Variants in CA6 observed in about 807,000 individuals in gnomAD.
The protein encoded by CA6 is carbonic anhydrase 6.
In CA6, 28 loss-of-function variants were observed where a neutral mutation model predicts 35.9. The observed-to-expected ratio is 0.78, with a 90% CI of 0.58 to 1.07. The LOEUF (loss-of-function observed/expected upper bound fraction) is 1.07. Among genes scored for constraint, CA6 ranks in the 50% least tolerant of loss-of-function variants. The pLI, the probability that CA6 is intolerant of heterozygous loss-of-function variation, is 0.00. For synonymous variants in CA6, 148 were observed against 152.6 expected, an observed-to-expected ratio of 0.97 and a Z score of 0.22; for missense variants, 377 against 382.0, an observed-to-expected ratio of 0.99 and a Z score of 0.11.
At chr1:8,961,016 G>A (rs1479839533) in intron 4 of CA6, among the ~76,000 whole-genome samples, 1 of 152,068 alleles carries the variant, frequency 6.6e-6, no homozygotes, top group Non-Finnish European at 1.5e-5. Context: ...TTATATGTAG[G>A]GGAATGACAG....
intron 2 of CA6, chr1:8,951,527 T>G (rs3765968): frequency 0.63 from 481,923 of 764,556 alleles, 153,477 homozygotes; most frequent in East Asian, 0.74. Flanking sequence ...CCTGGACAGC[T>G]GGTGGGAAGC....
intron 7 of CA6, among the ~76,000 whole-genome samples, chr1:8,972,500 G>A (rs914057054): frequency 6.6e-6 from 1 of 152,030 alleles, no homozygotes; most frequent in Admixed American, 6.6e-5. Flanking sequence ...GTGAAACCCC[G>A]CCTCTACTAA....
Position 8,946,045 on chromosome 1 carries a change from T to C in CA6, c.79+80T>C, listed in dbSNP as rs141371476. 5.2e-3 allele frequency: 4,313 copies of C among 837,024 alleles called. 90 individuals are homozygous for C. The African/African-American group carries it at 0.06, about 12-fold the overall frequency. The allele number at this position is 837,024 out of a possible 1,614,324, so 51.8% of individuals were successfully genotyped here. A position where few individuals can be genotyped will look rare whatever the true frequency, so the allele number is the denominator to read the frequency against. ...GACAAGTGCCCTTCTTCTTCTTCTT[T>C]TTTTTTTTTTTAGACAAAGTCTTGC... On this transcript the variant is annotated intron_variant, in intron 1 of 7. Transcript: ENST00000377443.
At chr1:8,961,417 G>A (rs183325752) in intron 4 of CA6, among the ~76,000 whole-genome samples, 2 of 152,194 alleles carry the variant, frequency 1.3e-5, no homozygotes, top group East Asian at 3.9e-4. Flanking sequence ...GACAAAAATA[G>A]AAGGATGAGG....
chr1:8,951,650 T>C (rs1639539439), intron 2 of CA6: 1 of 765,144 alleles, frequency 1.3e-6, no homozygotes, highest in East Asian at 2.4e-5. Context: ...CCAAGGGGCT[T>C]GCAGCGGCTC....
chr1:8,964,227 C>T (rs1415398494), intron 5 of CA6, among the ~76,000 whole-genome samples: 1 of 152,128 alleles, frequency 6.6e-6, no homozygotes, highest in Non-Finnish European at 1.5e-5. Flanking sequence ...TGGTCTTCTG[C>T]ATCGTTGATT....
intron 5 of CA6, among the ~76,000 whole-genome samples, chr1:8,966,387 G>C (rs1424926010): frequency 6.6e-6 from 1 of 152,114 alleles, no homozygotes; most frequent in East Asian, 1.9e-4. Flanking sequence ...TGGGATTACA[G>C]GTGTGAGCCA....
intron 5 of CA6, among the ~76,000 whole-genome samples, chr1:8,965,774 C>A (rs781433228): frequency 3.3e-5 from 5 of 151,582 alleles, no homozygotes; most frequent in Non-Finnish European, 5.9e-5. Context: ...GTATTCCCAG[C>A]TACTCAGGAG....
intron 4 of CA6, among the ~76,000 whole-genome samples, chr1:8,960,360 T>C (rs956417172): frequency 2.4e-4 from 37 of 151,056 alleles, no homozygotes; most frequent in African/African-American, 8.3e-4. Context: ...CAGACAGGAC[T>C]TTAAAACAAC....
At chr1:8,957,325 C>A (rs375639738) in intron 3 of CA6, 40 bp downstream of exon 3, 110 of 1,546,976 alleles carry the variant, frequency 7.1e-5, no homozygotes, top group Non-Finnish European at 8.7e-5. Flanking sequence ...TCCTTTGAAC[C>A]CCATAGTCAC....
chr1:8,953,480 A>G (rs937241275), intron 2 of CA6, among the ~76,000 whole-genome samples: 10 of 152,170 alleles, frequency 6.6e-5, no homozygotes, highest in African/African-American at 2.4e-4. Flanking sequence ...TTAGCCTGGC[A>G]TGGTGGCTCA....
rs762564967 is a variant in CA6, at chr1:8,974,367, C to G, written c.845-255C>G. ...CTCAGGCAAGGGCCACGGGGGGCAT[C>G]GTGGGAGAAGCCAAAATCCAAGAGT... On this transcript the variant is annotated intron_variant, in intron 7 of 7. Coordinates refer to ENST00000377443, the MANE Select transcript of CA6 (RefSeq NM_001215.4). 5.9e-6 allele frequency: 9 copies of G among 1,531,074 alleles called. No homozygotes were observed. The South Asian group carries it at 9.8e-5, about 17-fold the overall frequency. The allele number at this position is 1,531,074 out of a possible 1,614,324, so 94.8% of individuals were successfully genotyped here. A position where few individuals can be genotyped will look rare whatever the true frequency, so the allele number is the denominator to read the frequency against.
At chr1:8,966,501 A>C (rs1304670423) in intron 5 of CA6, among the ~76,000 whole-genome samples, 1 of 152,160 alleles carries the variant, frequency 6.6e-6, no homozygotes, top group African/African-American at 2.4e-5. Flanking sequence ...AATATATTAG[A>C]GTTACAAAAA....
Position 8,967,661 on chromosome 1 carries a change from C to G in CA6, c.574C>G (p.Gln192Glu). The change falls in exon 6 of 8, where the codon CAA (glutamine) becomes GAA (glutamate). Residue 192 changes from glutamine (Q) to glutamate (E), a missense_variant and splice_region_variant. Physicochemically the swap from Gln to Glu is conservative, Grantham distance 29. Coordinates refer to ENST00000377443, the MANE Select transcript of CA6 (RefSeq NM_001215.4). ...SHLANIKYPG[Q>E]RTTLTGLDVQ... is the part of the protein sequence containing the mutation. ...TTACCTTCTGTCTTCTTGGTCAGGA[C>G]AAAGAACAACCCTGACTGGCCTTGA... 1.9e-6 allele frequency: 3 copies of G among 1,613,616 alleles called. No individual in the cohort carries two copies. The highest frequency in any genetic ancestry group is 1.7e-4 in the Middle Eastern group (1 of 6,056).
rs1015488156 is a variant in CA6 at position 8,974,820 on chromosome 1, C to T, written c.*116C>T. The T allele has an allele frequency of 8.5e-6, 5 of 587,358 alleles. No homozygotes were observed. The highest frequency in any genetic ancestry group is 2.4e-5 in the South Asian group (1 of 41,926). The allele number at this position is 587,358 out of a possible 1,614,324, so 36.4% of individuals were successfully genotyped here. ...TAAGAAACCATGTGTGTCTGGAACA[C>T]GCTGCTCCCCCTGGGGCAGCTGTTG... On this transcript the variant is annotated 3_prime_UTR_variant, in exon 8 of 8. Coordinates refer to ENST00000377443, the MANE Select transcript of CA6 (RefSeq NM_001215.4).
intron 6 of CA6, among the ~76,000 whole-genome samples, chr1:8,970,313 C>T (rs10864376): frequency 0.41 from 61,734 of 151,368 alleles, 14,914 homozygotes; most frequent in East Asian, 0.65. Context: ...CTTTCTACTA[C>T]TGGACAAATA....
chr1:8,946,669 C>A (rs904112486), intron 1 of CA6, among the ~76,000 whole-genome samples: 1 of 151,990 alleles, frequency 6.6e-6, no homozygotes, highest in Admixed American at 6.6e-5. Flanking sequence ...GGTAACCTCA[C>A]GGAAGGTGCT....
At chr1:8,969,425 A>G (rs1299086618) in intron 6 of CA6, among the ~76,000 whole-genome samples, 2 of 152,018 alleles carry the variant, frequency 1.3e-5, no homozygotes, top group Non-Finnish European at 2.9e-5. Context: ...AATGCAGCAC[A>G]GAGAAAAGGA....
chr1:8,951,576 A>G (rs745539970), intron 2 of CA6: 1 of 765,180 alleles, frequency 1.3e-6, no homozygotes, highest in South Asian at 1.3e-5. Context: ...ACGCTTGCTG[A>G]GTGCGGGCTT....
Sources: allele counts gnomAD v4.1 joint callset (sites outside exome capture counted in the v4.1 genomes callset), GRCh38; gene constraint gnomAD v4.1.1; transcripts MANE v1.5; gene names NCBI Gene and HGNC (gene_info 2026-07-23, HGNC 2026-07-21).